Variants in UTP20 observed in about 807,000 individuals in gnomAD.
UTP20 encodes small subunit processome component 20 homolog.
UTP20 carries 164 observed loss-of-function variants against 329.5 expected under a neutral mutation model. That is an observed-to-expected ratio of 0.50 (90% CI 0.44 to 0.57). UTP20 has a LOEUF of 0.57. UTP20 is among the 20% of genes least tolerant of loss of function. The pLI, the probability that UTP20 is intolerant of heterozygous loss-of-function variation, is 0.00. For synonymous variants in UTP20, 1,151 were observed against 1,159.3 expected (o/e 0.99, Z 0.14); for missense variants, 3,055 against 3,284.2 (o/e 0.93, Z 1.71).
At chr12:101,280,398 G>A in intron 1 of UTP20, 71 bp downstream of exon 1, 7 of 1,536,602 alleles carry the variant, frequency 4.6e-6, no homozygotes, top group Non-Finnish European at 6.2e-6. Flanking sequence ...CTCTGAGCGA[G>A]ACTCCAGGGG....
Position 101,345,689 on chromosome 12 carries a change from A to G in UTP20, c.4741A>G (p.Ile1581Val), listed in dbSNP as rs765543488. ...GGACTTCTTTGAGAACATGAAGCAC[A>G]TTCAGGTAGAAGACAATTCTGCTTT... ...EMDFFENMKH[I>V]QIHRRARALK... The change falls in exon 37 of 62, where the codon ATT (isoleucine) becomes GTT (valine). Residue 1581 changes from isoleucine (I) to valine (V), a missense_variant. Ile to Val is a conservative substitution (Grantham distance 29). Coordinates refer to ENST00000261637, the MANE Select transcript of UTP20 (RefSeq NM_014503.3). 2 of 1,608,522 alleles carry G rather than the reference A, an allele frequency of 1.2e-6. No homozygotes were observed. The highest frequency in any genetic ancestry group is 1.1e-5 in the South Asian group (1 of 89,550).
intron 49 of UTP20, among the ~76,000 whole-genome samples, chr12:101,370,097 G>T (rs943369431): frequency 1.3e-5 from 2 of 151,640 alleles, no homozygotes; most frequent in African/African-American, 2.4e-5. Flanking sequence ...ATGTGTACCT[G>T]TAGTCCCAGC....
chr12:101,313,756 T>C (rs570650059), intron 21 of UTP20, among the ~76,000 whole-genome samples: 19 of 144,204 alleles, frequency 1.3e-4, no homozygotes, highest in African/African-American at 4.4e-4. Context: ...AGGGAAGGAA[T>C]GGGGGAGGGA....
intron 43 of UTP20, among the ~76,000 whole-genome samples, chr12:101,361,499 G>C (rs1869915913): frequency 6.6e-6 from 1 of 151,946 alleles, no homozygotes; most frequent in Non-Finnish European, 1.5e-5. Context: ...GATGCCGGGT[G>C]ACTGTAATCC....
In UTP20 at chr12:101,285,698, G is replaced by A. The variant is rs113141081; in HGVS notation, c.194-51G>A. The A allele has an allele frequency of 8.1e-3, 13,018 of 1,613,204 alleles. 154 individuals are homozygous for A. The highest frequency in any genetic ancestry group is 0.054 in the African/African-American group (4,036 of 74,952). On this transcript the variant is annotated intron_variant, in intron 3 of 61. Transcript: ENST00000261637. ...GTTTGCACTTTATATGTTCCATACA[G>A]CTGAATAGTGGTGTGATAGAAAAGA...
intron 51 of UTP20, among the ~76,000 whole-genome samples, chr12:101,372,351 C>T (rs1870321947): frequency 6.6e-6 from 1 of 152,242 alleles, no homozygotes; most frequent in Non-Finnish European, 1.5e-5. Flanking sequence ...TCTCGGCCAA[C>T]TTCATTCCCT....
chr12:101,299,588 T>C (rs1201167954), intron 12 of UTP20, 94 bp from the exon 13 acceptor site: 4 of 1,238,840 alleles, frequency 3.2e-6, no homozygotes, highest in Non-Finnish European at 4.4e-6. Context: ...CCTCTAATGC[T>C]CCACAATGGT....
chr12:101,315,198 A>G (rs892279480), intron 21 of UTP20, among the ~76,000 whole-genome samples: 3 of 152,008 alleles, frequency 2.0e-5, no homozygotes, highest in African/African-American at 4.8e-5. Flanking sequence ...TAAAATGGCT[A>G]GAACTGGCCA....
chr12:101,325,414 T>C (rs1868521114), intron 25 of UTP20, among the ~76,000 whole-genome samples: 2 of 152,248 alleles, frequency 1.3e-5, no homozygotes, highest in African/African-American at 4.8e-5. Flanking sequence ...CATTATCTTT[T>C]TCACTGTGTT....
In UTP20 at chr12:101,293,245, G is replaced by C; in HGVS notation, c.1251G>C (p.Gln417His). 1 of 1,613,538 alleles carries C rather than the reference G, an allele frequency of 6.2e-7. No homozygotes were observed. The highest frequency in any genetic ancestry group is 2.2e-5 in the East Asian group (1 of 44,864). ...EVMFAMKQFE[Q>H]LFLPSFLSYI... ...TGTTTGCCATGAAGCAGTTTGAGCA[G>C]GTAAGCAAGTTACTAAGTTCGGAGT... Residue 417 changes from glutamine to histidine, a missense_variant and splice_region_variant, in exon 11 of 62, where the codon CAG becomes CAC. Gln to His is a conservative substitution (Grantham distance 24). This residue lies in a region of UTP20 where 2,445 missense variants were observed against 2,575.5 expected (regional missense o/e 0.95). Transcript: ENST00000261637.
intron 45 of UTP20, among the ~76,000 whole-genome samples, chr12:101,364,359 C>T (rs1405066750): frequency 6.6e-6 from 1 of 152,162 alleles, no homozygotes; most frequent in Non-Finnish European, 1.5e-5. Flanking sequence ...AGAAAACTGG[C>T]ATTTATTGAC....
intron 22 of UTP20, among the ~76,000 whole-genome samples, chr12:101,318,440 T>C (rs1427143067): frequency 1.3e-5 from 2 of 152,198 alleles, no homozygotes; most frequent in Non-Finnish European, 2.9e-5. Context: ...TGTGCAGAGA[T>C]AAATTGTACA....
At chr12:101,333,522 C>A (rs1868831761) in intron 28 of UTP20, 78 bp downstream of exon 28, 2 of 1,529,454 alleles carry the variant, frequency 1.3e-6, no homozygotes, top group Non-Finnish European at 1.8e-6. Context: ...TAGCTACCAC[C>A]CAGACATGAA....
Position 101,305,862 on chromosome 12 carries a change from A to G in UTP20, c.1782-53A>G, listed in dbSNP as rs539787124. 3.4e-5 allele frequency: 50 copies of G among 1,473,608 alleles called. No individual in the cohort carries two copies. The African/African-American group carries it at 5.4e-4, about 16-fold the overall frequency. The allele number at this position is 1,473,608 out of a possible 1,614,324, so 91.3% of individuals were successfully genotyped here. ...TTTTCTGTGGCTTATACTATAGTCT[A>G]GATACTCTGGGTTATATGGTACAGT... On this transcript the variant is annotated intron_variant, in intron 15 of 61. Coordinates refer to ENST00000261637, the MANE Select transcript of UTP20 (RefSeq NM_014503.3).
intron 21 of UTP20, among the ~76,000 whole-genome samples, chr12:101,314,330 T>G: frequency 6.6e-6 from 1 of 152,172 alleles, no homozygotes; most frequent in Non-Finnish European, 1.5e-5. Context: ...CTTAATGAGT[T>G]GTTTTGATTA....
Position 101,369,701 on chromosome 12 carries a change from T to G in UTP20, c.6385-20T>G, listed in dbSNP as rs774952157. 1.5e-6 allele frequency: 2 copies of G among 1,351,666 alleles called. No homozygotes were observed. Among genetic ancestry groups the G allele is most frequent in the Non-Finnish European group, 1.1e-6 (1 of 943,070 alleles). The allele number at this position is 1,351,666 out of a possible 1,614,324, so 83.7% of individuals were successfully genotyped here. On this transcript the variant is annotated intron_variant, in intron 48 of 61. Coordinates refer to ENST00000261637, the MANE Select transcript of UTP20 (RefSeq NM_014503.3). ...TCGGTCACATCACAAGTTGGTGGTG[T>G]TTTGTTTTGTTTTTTTCAGGTGATC...
At chr12:101,366,139 G>A in intron 46 of UTP20, among the ~76,000 whole-genome samples, 1 of 152,132 alleles carries the variant, frequency 6.6e-6, no homozygotes, top group East Asian at 1.9e-4. Context: ...GGCTGAGGCA[G>A]GAGAATCACT....
In UTP20 at chr12:101,371,093, C is replaced by T. The variant is rs932857642; in HGVS notation, c.6723C>T (p.Ile2241=). 4.3e-6 allele frequency: 7 copies of T among 1,613,892 alleles called. No homozygotes were observed. Among genetic ancestry groups the T allele is most frequent in the East Asian group, 4.5e-5 (2 of 44,882 alleles). ...CAAGAAAGCTGTTGGTCCCAGAAAT[C>T]GATGAGGTCATGCGGAAAGTATCCA... ...ILSRKLLVPE[I]DEVMRKVSKL... The change falls in exon 51 of 62, where the codon ATC becomes ATT. Residue 2241 remains isoleucine, a synonymous_variant. Coordinates refer to ENST00000261637, the MANE Select transcript of UTP20 (RefSeq NM_014503.3).
intron 12 of UTP20, 67 bp downstream of exon 12, chr12:101,295,725 A>G (rs1432540824): frequency 2.1e-6 from 3 of 1,443,970 alleles, no homozygotes; most frequent in African/African-American, 2.9e-5. Context: ...TGTATCAAGA[A>G]TACTGTAAAA....
Sources: allele counts gnomAD v4.1 joint callset (sites outside exome capture counted in the v4.1 genomes callset), GRCh38; gene constraint gnomAD v4.1.1; regional missense constraint gnomAD v4.1.1; transcripts MANE v1.5; gene names NCBI Gene and HGNC (gene_info 2026-07-23, HGNC 2026-07-21).